MTUS2: variants seen among roughly 807,000 people sequenced by gnomAD.
MTUS2 encodes the protein microtubule-associated tumor suppressor candidate 2.
Under a neutral mutation model 114.1 loss-of-function variants are expected in MTUS2, and 40 were observed. The ratio of observed to expected loss-of-function variants is 0.35; its 90% CI spans 0.27 to 0.46. The LOEUF (loss-of-function observed/expected upper bound fraction) is 0.46, where lower values mean the gene tolerates loss of function less well. Among genes scored for constraint, MTUS2 ranks in the 20% least tolerant of loss-of-function variants. MTUS2 has a pLI of 1.00. For missense variants in MTUS2, 1,679 were observed against 1,705.4 expected, an observed-to-expected ratio of 0.98 and a Z score of 0.27; for synonymous variants, 688 against 672.0, an observed-to-expected ratio of 1.02 and a Z score of -0.37.
chr13:29,399,071 G>A (rs914379468), intron 8 of MTUS2, among the ~76,000 whole-genome samples: 100 of 152,134 alleles, frequency 6.6e-4, no homozygotes, highest in African/African-American at 2.3e-3. Flanking sequence ...GCAGCCCCGA[G>A]GGCTGCTGGG....
At chr13:29,017,568 C>A (rs1041537855) in intron 2 of MTUS2, among the ~76,000 whole-genome samples, 1 of 152,110 alleles carries the variant, frequency 6.6e-6, no homozygotes, top group Non-Finnish European at 1.5e-5. Flanking sequence ...ATGACAAATA[C>A]AAATCAAACT....
At position 29,503,151 on chromosome 13, in the gene MTUS2, G is replaced by T. The variant is rs766327837; in HGVS notation, c.4055G>T (p.Arg1352Leu). 3.7e-6 allele frequency: 6 copies of T among 1,614,084 alleles called. No homozygotes were observed. Among genetic ancestry groups the T allele is most frequent in the Non-Finnish European group, 4.2e-6 (5 of 1,180,046 alleles). ...IKLSPTSPVY[R>L]GSSSGPSSPA... ...CTCTCGCCCACATCTCCCGTTTACC[G>T]CGGCTCCTCCTCGGGGCCCTCCTCT... The change falls in exon 16 of 16, where the codon CGC (arginine) becomes CTC (leucine). Residue 1352 changes from arginine to leucine, a missense_variant. Coordinates refer to ENST00000612955, the MANE Select transcript of MTUS2 (RefSeq NM_001033602.4).
At chr13:29,082,846 A>G (rs991707716) in intron 4 of MTUS2, among the ~76,000 whole-genome samples, 3 of 152,180 alleles carry the variant, frequency 2.0e-5, no homozygotes, top group African/African-American at 7.2e-5. Context: ...GGGGTAACTT[A>G]TAGCCATTAT....
At chr13:29,228,752 G>T (rs886888625) in intron 5 of MTUS2, among the ~76,000 whole-genome samples, 3 of 152,028 alleles carry the variant, frequency 2.0e-5, no homozygotes, top group African/African-American at 4.8e-5. Context: ...AAAGGAGAAG[G>T]GGGGGAAGAA....
intron 2 of MTUS2, among the ~76,000 whole-genome samples, chr13:28,979,711 G>A (rs1884272653): frequency 1.3e-5 from 2 of 152,190 alleles, no homozygotes; most frequent in Non-Finnish European, 2.9e-5. Flanking sequence ...GGGAATCTGG[G>A]AGAGTAAGAG....
At chr13:29,401,921 A>G (rs536635143) in intron 8 of MTUS2, among the ~76,000 whole-genome samples, 11 of 152,304 alleles carry the variant, frequency 7.2e-5, no homozygotes, top group African/African-American at 2.4e-4. Flanking sequence ...CCGGATTTGT[A>G]TATTAATTTG....
At chr13:29,265,441 A>G (rs1779801215) in intron 5 of MTUS2, among the ~76,000 whole-genome samples, 1 of 152,204 alleles carries the variant, frequency 6.6e-6, no homozygotes, top group East Asian at 1.9e-4. Flanking sequence ...CTGCCTGTCA[A>G]CCAGTTTCAA....
intron 2 of MTUS2, among the ~76,000 whole-genome samples, chr13:28,912,372 A>G (rs911266962): frequency 6.6e-6 from 1 of 152,048 alleles, no homozygotes; most frequent in African/African-American, 2.4e-5. Context: ...TGATCTATGT[A>G]TCTATTCTTG....
chr13:28,896,103 T>A (rs987980829), intron 2 of MTUS2, among the ~76,000 whole-genome samples: 1 of 152,184 alleles, frequency 6.6e-6, no homozygotes, highest in African/African-American at 2.4e-5. Flanking sequence ...GTATAGATAA[T>A]AAATAATACA....
chr13:29,463,757 G>C (rs185219786), intron 9 of MTUS2, among the ~76,000 whole-genome samples: 4 of 152,192 alleles, frequency 2.6e-5, no homozygotes, highest in Non-Finnish European at 5.9e-5. Flanking sequence ...CCAGCACTTC[G>C]GGGGGCCGAG....
intron 8 of MTUS2, among the ~76,000 whole-genome samples, chr13:29,410,220 G>A (rs1039577138): frequency 3.3e-5 from 5 of 151,872 alleles, no homozygotes; most frequent in Non-Finnish European, 7.4e-5. Context: ...TGCCTCCTGG[G>A]TTCAAGCGAT....
At chr13:29,337,666 A>G (rs1404067002) in intron 7 of MTUS2, among the ~76,000 whole-genome samples, 1 of 151,418 alleles carries the variant, frequency 6.6e-6, no homozygotes, top group Non-Finnish European at 1.5e-5. Context: ...CAGTGGCACA[A>G]TTTTGGCTCA....
At position 29,201,315 on chromosome 13, in the gene MTUS2, T is replaced by A. The variant is rs755868228; in HGVS notation, c.2645-80389T>A. ...TGTTGGTTTAAAGTCTGTTTTGTCA[T>A]AGGCTAGGAATGCAACCCCTGTTTT... is the stretch of plus-strand genomic sequence containing the variant. On this transcript the variant is annotated intron_variant, in intron 5 of 15. Coordinates refer to ENST00000612955, the MANE Select transcript of MTUS2 (RefSeq NM_001033602.4). 2.9e-4 allele frequency among the ~76,000 whole-genome samples: 44 copies of A among 151,852 alleles called. 1 individual carries two copies. Among genetic ancestry groups the A allele is most frequent in the Admixed American group, 1.3e-3 (20 of 15,228 alleles).
At chr13:28,914,781 G>A (rs143861086) in intron 2 of MTUS2, among the ~76,000 whole-genome samples, 72 of 151,962 alleles carry the variant, frequency 4.7e-4, no homozygotes, top group Middle Eastern at 3.4e-3. Flanking sequence ...TTAGGTGCAA[G>A]CACATTTTGG....
intron 5 of MTUS2, among the ~76,000 whole-genome samples, chr13:29,204,760 C>T (rs1472535323): frequency 7.2e-5 from 11 of 152,268 alleles, no homozygotes; most frequent in South Asian, 4.1e-4. Context: ...CAGAAGTTTC[C>T]GAAGTCTGCA....
Position 29,480,440 on chromosome 13 carries a change from A to G in MTUS2, c.3399+76A>G. On this transcript the variant is annotated intron_variant, in intron 10 of 15. Coordinates refer to ENST00000612955, the MANE Select transcript of MTUS2 (RefSeq NM_001033602.4). This position sits in a 1 kb window ranked among gnomAD's most constrained non-coding sequence, Gnocchi z 4.4. ...GGCGGCGGGGATCCAGTGCCACATT[A>G]GCAAGAAGTCCTATTCAGTAGGTGA... The G allele has an allele frequency of 7.1e-7, 1 of 1,410,360 alleles. No individual in the cohort carries two copies. The highest frequency in any genetic ancestry group is 9.4e-7 in the Non-Finnish European group (1 of 1,061,084). The allele number at this position is 1,410,360 out of a possible 1,614,324, so 87.4% of individuals were successfully genotyped here.
intron 15 of MTUS2, among the ~76,000 whole-genome samples, chr13:29,501,659 G>C (rs1299952553): frequency 6.6e-6 from 1 of 152,140 alleles, no homozygotes; most frequent in Non-Finnish European, 1.5e-5. Flanking sequence ...AGCACAATGC[G>C]GGGATAAAGC....
At chr13:28,935,936 G>A (rs1434619003) in intron 2 of MTUS2, among the ~76,000 whole-genome samples, 2 of 152,012 alleles carry the variant, frequency 1.3e-5, no homozygotes, top group South Asian at 2.1e-4. Flanking sequence ...TTGTAGAGAT[G>A]GGATCTCGCT....
rs947335092 is a variant in MTUS2, at chr13:28,884,041, A to G, written c.-243+44191A>G. Among the ~76,000 whole-genome samples, 5 of 152,256 alleles carry G rather than the reference A, an allele frequency of 3.3e-5. No homozygotes were observed. In the East Asian group the frequency reaches 9.6e-4, roughly 29 times the overall value. On this transcript the variant is annotated intron_variant, in intron 2 of 15. Transcript: ENST00000612955. ...ATTTAGCAGTTTCACTTCTGGATAT[A>G]TACTCCACTTCTGGATATATAGTCT...
Sources: allele counts gnomAD v4.1 joint callset (sites outside exome capture counted in the v4.1 genomes callset), GRCh38; gene constraint gnomAD v4.1.1; non-coding constraint Gnocchi (gnomAD v3.1); transcripts MANE v1.5; gene names NCBI Gene and HGNC (gene_info 2026-07-23, HGNC 2026-07-21).